MUC12: variants seen among roughly 807,000 people sequenced by gnomAD.
MUC12 encodes the protein mucin 12, cell surface associated.
In MUC12, 172 loss-of-function variants were observed where a neutral mutation model predicts 230.8. That is an observed-to-expected ratio of 0.75 (90% CI 0.66 to 0.85). The LOEUF is 0.85. Among genes scored for constraint, MUC12 ranks in the 40% least tolerant of loss-of-function variants. The pLI, the probability that MUC12 is intolerant of heterozygous loss-of-function variation, is 0.00. For missense variants in MUC12, 3,506 were observed against 5,920.6 expected (o/e 0.59, Z 13.38); for synonymous variants, 1,259 against 2,401.9 (o/e 0.52, Z 13.91).
intron 1 of MUC12, among the ~76,000 whole-genome samples, chr7:100,980,419 A>G (rs542583752): frequency 5.9e-5 from 9 of 152,290 alleles, no homozygotes; most frequent in Non-Finnish European, 8.8e-5. Context: ...GATTTATTCT[A>G]TGGATGGTTT....
intron 5 of MUC12, among the ~76,000 whole-genome samples, chr7:101,010,650 G>A (rs946956939): frequency 6.6e-6 from 1 of 152,052 alleles, no homozygotes; most frequent in Non-Finnish European, 1.5e-5. Context: ...GAGTAGCTGG[G>A]ACTACAGGCA....
intron 3 of MUC12, among the ~76,000 whole-genome samples, 170 bp downstream of exon 3, chr7:101,006,742 A>G (rs1036186550): frequency 6.6e-5 from 10 of 152,144 alleles, no homozygotes; most frequent in Non-Finnish European, 1.3e-4. Flanking sequence ...GCCTTCAGGG[A>G]CAAAAGTAGA....
rs1462467000 is a variant in MUC12 at position 100,991,679 on chromosome 7, C to A, written c.1116C>A (p.His372Gln). The A allele has an allele frequency of 6.5e-7, 1 of 1,537,680 alleles. No individual in the cohort carries two copies. Among genetic ancestry groups the A allele is most frequent in the East Asian group, 2.4e-5 (1 of 40,916 alleles). Residue 372 changes from histidine to glutamine, a missense_variant, in exon 2 of 12, where the codon CAC (histidine) becomes CAA (glutamine). Transcript: ENST00000536621. ...GCCCGGGCTCAACTCAAACAATGCA[C>A]TTCCCTGAAAGCTCCACAACTTCAG... ...HRSPGSTQTMHFPESSTTSGH... is the reference protein window; with the variant it reads ...HRSPGSTQTMQFPESSTTSGH...
chr7:100,991,862 T>C lies in MUC12; in HGVS notation c.1299T>C (p.Arg433=), dbSNP rs34337783. 0.13 allele frequency: 193,704 copies of C among 1,510,484 alleles called. 15,033 individuals are homozygous for C. Among genetic ancestry groups the C allele is most frequent in the African/African-American group, 0.2 (14,579 of 72,610 alleles). 93.6% of individuals were successfully genotyped at this position (1,510,484 alleles called of 1,614,324 possible). Residue 433 remains arginine (R), a synonymous_variant, in exon 2 of 12, where the codon CGT becomes CGC. Coordinates refer to ENST00000536621, the MANE Select transcript of MUC12 (RefSeq NM_001164462.2). ...HFRDSSTISG[R]SEESKASHSS... is the part of the protein sequence containing the mutation. ...GTGATAGCTCCACAATCTCAGGCCGTAGTGAGGAATCAAAAGCATCCCACA... is the reference window on the plus strand; with the variant it reads ...GTGATAGCTCCACAATCTCAGGCCGCAGTGAGGAATCAAAAGCATCCCACA...
chr7:101,008,355 C>T (rs1793789148), intron 3 of MUC12, among the ~76,000 whole-genome samples: 1 of 152,046 alleles, frequency 6.6e-6, no homozygotes, highest in Non-Finnish European at 1.5e-5. Context: ...TCCCATCTCC[C>T]CAATGCACTG....
In MUC12 at chr7:101,005,115, C is replaced by T; in HGVS notation, c.14552C>T (p.Thr4851Ile). The T allele has an allele frequency of 1.3e-6, 2 of 1,537,978 alleles. No homozygotes were observed. Among genetic ancestry groups the T allele is most frequent in the Non-Finnish European group, 1.7e-6 (2 of 1,147,080 alleles). Residue 4851 changes from threonine (T) to isoleucine (I), a missense_variant, in exon 2 of 12, where the codon ACC becomes ATC. By Grantham distance (89) the Thr-to-Ile change is moderately conservative. Transcript: ENST00000536621. ...GTGCCAGGCCTTAGTGAGGAATCTACCACCTTCTACAGCAGCCCAGGCTCA... is the reference window on the plus strand; with the variant it reads ...GTGCCAGGCCTTAGTGAGGAATCTATCACCTTCTACAGCAGCCCAGGCTCA... ...TTVPGLSEES[T>I]TFYSSPGSTE...
Position 101,008,684 on chromosome 7 carries a change from T to C in MUC12, c.15109T>C (p.Tyr5037His). ...TTTAGGTATGACAGTGAAAGTGACT[T>C]ACAGAAATTTCACAGAAAAGATGAA... ...ATLGMTVKVT[Y>H]RNFTEKMNDA... is the part of the protein sequence containing the mutation. Residue 5037 changes from tyrosine to histidine, a missense_variant, in exon 4 of 12, where the codon TAC becomes CAC. Coordinates refer to ENST00000536621, the MANE Select transcript of MUC12 (RefSeq NM_001164462.2). 1 of 1,537,278 alleles carries C rather than the reference T, an allele frequency of 6.5e-7. No individual in the cohort carries two copies. The highest frequency in any genetic ancestry group is 8.7e-7 in the Non-Finnish European group (1 of 1,146,932).
In MUC12 at chr7:101,013,130, G is replaced by A. The variant is rs1218685561; in HGVS notation, c.15626G>A (p.Gly5209Asp). 4.6e-6 allele frequency: 7 copies of A among 1,537,128 alleles called. No individual in the cohort carries two copies. The African/African-American group carries it at 9.6e-5, about 21-fold the overall frequency. Residue 5209 changes from glycine (G) to aspartate (D), a missense_variant, in exon 8 of 12, where the codon GGC becomes GAC. Physicochemically the swap from Gly to Asp is moderately conservative, Grantham distance 94 (BLOSUM62 -1). Coordinates refer to ENST00000536621, the MANE Select transcript of MUC12 (RefSeq NM_001164462.2). Reference protein sequence around the residue: ...NLGTCQLQRSGPRCLCPNTNT... With the variant: ...NLGTCQLQRSDPRCLCPNTNT... ...GGCACATGTCAGCTGCAACGCAGTG[G>A]CCCCCGCTGCCTGTGAGTGTCCCCA...
intron 9 of MUC12, among the ~76,000 whole-genome samples, chr7:101,014,872 T>C (rs1793892677): frequency 6.6e-6 from 1 of 152,126 alleles, no homozygotes; most frequent in Admixed American, 6.6e-5. Flanking sequence ...GGTCTGAAAC[T>C]CCTGGCCTCA....
intron 1 of MUC12, chr7:100,972,712 G>A: frequency 1.6e-6 from 1 of 611,388 alleles, no homozygotes; most frequent in Non-Finnish European, 2.9e-6. Context: ...CACTATGTTG[G>A]CCAGGCTGGT....
chr7:100,990,345 C>G (rs564413650), intron 1 of MUC12, among the ~76,000 whole-genome samples: 1 of 152,208 alleles, frequency 6.6e-6, no homozygotes, highest in East Asian at 1.9e-4. Flanking sequence ...ATCCCAAAAC[C>G]ATTCCCCCAA....
intron 3 of MUC12, among the ~76,000 whole-genome samples, chr7:101,007,864 C>T (rs1416530046): frequency 1.3e-5 from 2 of 149,798 alleles, no homozygotes; most frequent in Non-Finnish European, 3.0e-5. Flanking sequence ...GTGGCATGAT[C>T]TCGGCTTACT....
In MUC12 at chr7:100,984,259, C is replaced by CT. The variant is rs34134351; in HGVS notation, c.68-6355dup. ...AGCATCAGTTTGGTGTACTTTGCATCTTTTTTTTTTTTTTTTTGACAGAGT... is the reference window on the plus strand; with the variant it reads ...AGCATCAGTTTGGTGTACTTTGCATCTTTTTTTTTTTTTTTTTTGACAGAGT... On this transcript the variant is annotated intron_variant, in intron 1 of 11. Transcript: ENST00000536621. Among the ~76,000 whole-genome samples, 536 of 139,694 alleles carry CT rather than the reference C, an allele frequency of 3.8e-3. 1 individual carries two copies. Among genetic ancestry groups the CT allele is most frequent in the South Asian group, 0.011 (49 of 4,318 alleles). 91.6% of individuals were successfully genotyped at this position (139,694 alleles called of 152,430 possible).
intron 10 of MUC12, chr7:101,016,767 G>A (rs1793929789): frequency 6.6e-6 from 1 of 152,412 alleles, no homozygotes. Flanking sequence ...GAGAGGGAGT[G>A]AGGGAGGATT....
intron 10 of MUC12, 144 bp from the exon 11 acceptor site, chr7:101,017,431 C>G: frequency 4.9e-6 from 3 of 607,056 alleles, no homozygotes; most frequent in Non-Finnish European, 8.7e-6. Flanking sequence ...CCCAGTGATG[C>G]AGGGTCGGAG....
Position 101,013,063 on chromosome 7 carries a change from A to G in MUC12, c.15559A>G (p.Lys5187Glu), listed in dbSNP as rs781629645. The G allele has an allele frequency of 2.6e-6, 4 of 1,537,256 alleles. No homozygotes were observed. The highest frequency in any genetic ancestry group is 3.5e-6 in the Non-Finnish European group (4 of 1,146,940). Residue 5187 changes from lysine to glutamate, a missense_variant, in exon 8 of 12, where the codon AAG (lysine) becomes GAG (glutamate). By Grantham distance (56) the Lys-to-Glu change is moderately conservative. Coordinates refer to ENST00000536621, the MANE Select transcript of MUC12 (RefSeq NM_001164462.2). The part of the protein sequence containing the change: ...VLDGKLACVN[K>E]CTKGTKSQMN... ...GGATGGGAAGCTGGCCTGTGTGAACAAGTGCACCAAAGGAACGAAGTCGCA... is the reference window on the plus strand; with the variant it reads ...GGATGGGAAGCTGGCCTGTGTGAACGAGTGCACCAAAGGAACGAAGTCGCA...
intron 1 of MUC12, among the ~76,000 whole-genome samples, chr7:100,971,703 C>A (rs78091579): frequency 6.6e-6 from 1 of 152,308 alleles, no homozygotes; most frequent in Non-Finnish European, 1.5e-5. Context: ...TTAAGTTCAC[C>A]TACAGAAGTG....
chr7:100,995,497 C>T lies in MUC12; in HGVS notation c.4934C>T (p.Thr1645Ile), dbSNP rs1354643619. 6 of 1,535,292 alleles carry T rather than the reference C, an allele frequency of 3.9e-6. No individual in the cohort carries two copies. Among genetic ancestry groups the T allele is most frequent in the Non-Finnish European group, 4.4e-6 (5 of 1,146,668 alleles). The change falls in exon 2 of 12, where the codon ACA (threonine) becomes ATA (isoleucine). Residue 1645 changes from threonine (T) to isoleucine (I), a missense_variant. Coordinates refer to ENST00000536621, the MANE Select transcript of MUC12 (RefSeq NM_001164462.2). Reference sequence around the variant, plus strand: ...AGCAGCCCAGGCTCCACTGAAACAACACTCTTACCTGACAACACCACAGCC... The same window carrying T: ...AGCAGCCCAGGCTCCACTGAAACAATACTCTTACCTGACAACACCACAGCC... ...FHSSPGSTET[T>I]LLPDNTTASG...
At position 100,992,164 on chromosome 7, in the gene MUC12, C is replaced by G. The variant is rs778794045; in HGVS notation, c.1601C>G (p.Thr534Arg). Residue 534 changes from threonine to arginine, a missense_variant, in exon 2 of 12, where the codon ACA becomes AGA. Thr to Arg is a moderately conservative substitution (Grantham distance 71, BLOSUM62 -1). Coordinates refer to ENST00000536621, the MANE Select transcript of MUC12 (RefSeq NM_001164462.2). ...SHSRPGSTHT[T>R]AFPGSTTMPG... ...AGCCGACCAGGCTCAACACACACAA[C>G]AGCATTCCCTGGCAGTACCACCATG... is the stretch of plus-strand genomic sequence containing the variant. 46 of 1,537,948 alleles carry G rather than the reference C, an allele frequency of 3.0e-5. 1 individual carries two copies. In the Middle Eastern group the frequency reaches 1.0e-3, roughly 33 times the overall value.
Sources: gnomAD v4.1 joint callset for allele counts (sites outside exome capture counted in the v4.1 genomes callset) on GRCh38, gnomAD v4.1.1 for gene constraint, MANE v1.5 for transcripts, NCBI Gene and HGNC (gene_info 2026-07-23, HGNC 2026-07-21) for gene names.